ARHGEF38: variants seen among roughly 807,000 people sequenced by gnomAD.
ARHGEF38 encodes Rho guanine nucleotide exchange factor (GEF) 38.
Under a neutral mutation model 79.9 loss-of-function variants are expected in ARHGEF38, and 79 were observed. The ratio of observed to expected loss-of-function variants is 0.99; its 90% CI spans 0.82 to 1.19. The LOEUF (loss-of-function observed/expected upper bound fraction) is 1.19, where lower values mean the gene tolerates loss of function less well. Ranked by LOEUF, ARHGEF38 falls within the 50% of genes most tolerant of loss-of-function variation. The pLI is 0.00. For synonymous variants in ARHGEF38, 366 were observed against 328.3 expected, an observed-to-expected ratio of 1.11 and a Z score of -1.24; for missense variants, 962 against 907.2, an observed-to-expected ratio of 1.06 and a Z score of -0.78.
At chr4:105,612,883 A>G (rs929488863) in intron 2 of ARHGEF38, among the ~76,000 whole-genome samples, 1 of 152,164 alleles carries the variant, frequency 6.6e-6, no homozygotes, top group African/African-American at 2.4e-5. Flanking sequence ...TTAGTAGAAT[A>G]TATTTAATGA....
Position 105,680,238 on chromosome 4 carries a change from A to G in ARHGEF38, c.*2301A>G, listed in dbSNP as rs1307449972. On this transcript the variant is annotated 3_prime_UTR_variant, in exon 14 of 14. Transcript: ENST00000420470. ...CCTTAAGTCACTAAAATCTGTAGTT[A>G]TATAATCTTACATAAAGCATATGCA... 1 of 419,786 alleles carries G rather than the reference A, an allele frequency of 2.4e-6. No homozygotes were observed. The highest frequency in any genetic ancestry group is 2.0e-5 in the African/African-American group (1 of 49,158). The allele number at this position is 419,786 out of a possible 1,614,324, so 26.0% of individuals were successfully genotyped here. A position where few individuals can be genotyped will look rare whatever the true frequency, so the allele number is the denominator to read the frequency against.
intron 1 of ARHGEF38, among the ~76,000 whole-genome samples, chr4:105,567,573 A>C (rs1285897044): frequency 6.6e-6 from 1 of 152,228 alleles, no homozygotes; most frequent in Non-Finnish European, 1.5e-5. Flanking sequence ...AGAAGTACAT[A>C]GACATCAGTT....
intron 1 of ARHGEF38, among the ~76,000 whole-genome samples, chr4:105,578,626 T>C (rs2110435593): frequency 6.6e-6 from 1 of 152,308 alleles, no homozygotes; most frequent in Non-Finnish European, 1.5e-5. Flanking sequence ...AGGATTATGA[T>C]ATCTTCCTGT....
intron 5 of ARHGEF38, among the ~76,000 whole-genome samples, chr4:105,642,199 T>C (rs967614213): frequency 6.6e-6 from 1 of 152,140 alleles, no homozygotes; most frequent in African/African-American, 2.4e-5. Flanking sequence ...TATTATCTTA[T>C]AACACTCCCT....
At chr4:105,578,190 A>G (rs1726596383) in intron 1 of ARHGEF38, among the ~76,000 whole-genome samples, 1 of 152,218 alleles carries the variant, frequency 6.6e-6, no homozygotes, top group African/African-American at 2.4e-5. Context: ...CCTCAAAATC[A>G]TTCAGGAGCA....
rs1262365711 is a variant in ARHGEF38 at position 105,561,403 on chromosome 4, T to C, written c.196+8442T>C. On this transcript the variant is annotated intron_variant, in intron 1 of 13. Transcript: ENST00000420470. ...GAGTCTCAAAAATAGAGTAGAATAATAGAATAGAATAGAATAGAATGGAAT... is the reference window on the plus strand; with the variant it reads ...GAGTCTCAAAAATAGAGTAGAATAACAGAATAGAATAGAATAGAATGGAAT... Among the ~76,000 whole-genome samples the C allele has an allele frequency of 1.4e-3, 29 of 20,060 alleles. 2 individuals are homozygous for C. The highest frequency in any genetic ancestry group is 4.3e-3 in the African/African-American group (23 of 5,390). The allele number at this position is 20,060 out of a possible 152,430, so 13.2% of individuals were successfully genotyped here. A position where few individuals can be genotyped will look rare whatever the true frequency, so the allele number is the denominator to read the frequency against.
chr4:105,645,886 C>T (rs551276284), intron 6 of ARHGEF38, among the ~76,000 whole-genome samples: 1 of 152,326 alleles, frequency 6.6e-6, no homozygotes, highest in East Asian at 1.9e-4. Flanking sequence ...AGCAAGTATA[C>T]TTCTTTCTAG....
At chr4:105,663,613 C>T (rs776996833) in intron 10 of ARHGEF38, among the ~76,000 whole-genome samples, 1 of 152,178 alleles carries the variant, frequency 6.6e-6, no homozygotes, top group Non-Finnish European at 1.5e-5. Flanking sequence ...AAGATTCATT[C>T]GTGTTGTAGC....
intron 4 of ARHGEF38, chr4:105,632,693 G>A (rs1174323193): frequency 5.3e-5 from 8 of 152,276 alleles, no homozygotes; most frequent in South Asian, 2.1e-4. Flanking sequence ...AGAACTAAGC[G>A]TGAGAAATGT....
chr4:105,592,870 C>T (rs573711895), intron 2 of ARHGEF38, among the ~76,000 whole-genome samples: 14 of 152,294 alleles, frequency 9.2e-5, no homozygotes, highest in South Asian at 2.1e-4. Flanking sequence ...CTCCTATTAC[C>T]GGAAGCAATG....
chr4:105,576,627 T>A (rs1012077702), intron 1 of ARHGEF38, among the ~76,000 whole-genome samples: 2 of 152,136 alleles, frequency 1.3e-5, no homozygotes, highest in African/African-American at 4.8e-5. Flanking sequence ...AGCAGTGAAG[T>A]TTGACTTTCT....
chr4:105,646,453 A>G (rs763806901), intron 6 of ARHGEF38, among the ~76,000 whole-genome samples: 47 of 152,224 alleles, frequency 3.1e-4, no homozygotes, highest in Non-Finnish European at 1.3e-4. Flanking sequence ...ACACTAACAT[A>G]CCATTTCCAG....
chr4:105,583,156 T>C (rs1329352441), intron 1 of ARHGEF38, among the ~76,000 whole-genome samples: 1 of 152,204 alleles, frequency 6.6e-6, no homozygotes, highest in African/African-American at 2.4e-5. Context: ...CTTTCTTCAT[T>C]TGAACTGCTT....
At chr4:105,587,132 T>G (rs1353069104) in intron 1 of ARHGEF38, among the ~76,000 whole-genome samples, 1 of 152,122 alleles carries the variant, frequency 6.6e-6, no homozygotes, top group East Asian at 1.9e-4. Context: ...GCAGGCTGCT[T>G]CTACTTTCCA....
At chr4:105,681,752 T>A (rs1235867942), downstream of ARHGEF38, among the ~76,000 whole-genome samples, 1 of 152,170 alleles carries the variant, frequency 6.6e-6, no homozygotes, top group Non-Finnish European at 1.5e-5. Flanking sequence ...ACCAAAAAAA[T>A]TTGCAACCTC....
intron 5 of ARHGEF38, among the ~76,000 whole-genome samples, chr4:105,641,131 A>AT (rs200490414): frequency 6.2e-4 from 92 of 148,866 alleles, no homozygotes; most frequent in East Asian, 2.4e-3. Context: ...TAATTTTCTC[A>AT]TTTTTTTTTC....
chr4:105,581,356 G>T (rs199323), intron 1 of ARHGEF38, among the ~76,000 whole-genome samples: 147,757 of 152,204 alleles, frequency 0.97, 71,723 homozygotes, highest in East Asian at 1. Context: ...TCCCAGCTTT[G>T]AGCACTTCAA....
chr4:105,591,227 T>TTTTTG (rs1333601076), intron 2 of ARHGEF38, among the ~76,000 whole-genome samples: 2 of 152,064 alleles, frequency 1.3e-5, no homozygotes, highest in African/African-American at 2.4e-5. Flanking sequence ...TTCTCAGATT[T>TTTTTG]TTTTGTTTTG....
intron 3 of ARHGEF38, among the ~76,000 whole-genome samples, chr4:105,617,165 A>G (rs1050011159): frequency 2.0e-5 from 3 of 152,248 alleles, no homozygotes; most frequent in Non-Finnish European, 4.4e-5. Context: ...TTAGAAGTTT[A>G]TCATGTCAAT....
Sources: gnomAD v4.1 joint callset for allele counts (sites outside exome capture counted in the v4.1 genomes callset) on GRCh38, gnomAD v4.1.1 for gene constraint, MANE v1.5 for transcripts, NCBI Gene and HGNC (gene_info 2026-07-23, HGNC 2026-07-21) for gene names.